GLUD1: variants seen among roughly 807,000 people sequenced by gnomAD.
The protein encoded by GLUD1 is glutamate dehydrogenase 1.
GLUD1 carries 22 observed loss-of-function variants against 56.0 expected under a neutral mutation model. The ratio of observed to expected loss-of-function variants is 0.39; its 90% CI spans 0.28 to 0.56. The LOEUF is 0.56. Ranked by LOEUF, GLUD1 falls within the 20% of genes least tolerant of loss-of-function variation. GLUD1 has a pLI of 0.58. For synonymous variants in GLUD1, 223 were observed against 269.9 expected (o/e 0.83, Z 1.70); for missense variants, 451 against 732.0 (o/e 0.62, Z 4.43).
intron 1 of GLUD1, among the ~76,000 whole-genome samples, chr10:87,093,390 T>C (rs1444369340): frequency 2.0e-5 from 3 of 152,082 alleles, no homozygotes; most frequent in Non-Finnish European, 2.9e-5. Flanking sequence ...AGAGGTATGA[T>C]GCAATGTATT....
chr10:87,085,364 A>C (rs59321374), intron 1 of GLUD1, among the ~76,000 whole-genome samples: 2,110 of 151,738 alleles, frequency 0.014, 49 homozygotes, highest in African/African-American at 0.048. Flanking sequence ...AAAAAAAAAA[A>C]ACCAGAAAAA....
chr10:87,064,368 C>T (rs568356528), intron 5 of GLUD1, among the ~76,000 whole-genome samples: 40 of 152,150 alleles, frequency 2.6e-4, no homozygotes, highest in African/African-American at 8.4e-4. Context: ...GTAAACTCAT[C>T]GGTGGAGCAG....
At chr10:87,086,568 A>T (rs1232120556) in intron 1 of GLUD1, among the ~76,000 whole-genome samples, 1 of 152,130 alleles carries the variant, frequency 6.6e-6, no homozygotes, top group East Asian at 1.9e-4. Flanking sequence ...TCACGCCTGT[A>T]ATCCCAGCAC....
intron 10 of GLUD1, 133 bp from the exon 11 acceptor site, chr10:87,057,915 C>A: frequency 1.5e-6 from 1 of 652,428 alleles, no homozygotes. Flanking sequence ...GTCACCCAGG[C>A]TGGAGTGTAG....
At chr10:87,069,685 A>C (rs1006535492) in intron 4 of GLUD1, among the ~76,000 whole-genome samples, 1 of 152,124 alleles carries the variant, frequency 6.6e-6, no homozygotes, top group African/African-American at 2.4e-5. Flanking sequence ...CTAAATAATA[A>C]ACTTTTTTGA....
intron 4 of GLUD1, 26 bp downstream of exon 4, chr10:87,074,525 A>C (rs759226348): frequency 1.4e-6 from 2 of 1,403,390 alleles, no homozygotes; most frequent in Non-Finnish European, 2.0e-6. Context: ...CCCACTTTAT[A>C]CCAAAAACTA....
Position 87,094,782 on chromosome 10 carries a change from A to G in GLUD1, c.-13T>C, listed in dbSNP as rs773140219. The stretch of plus-strand genomic sequence containing the variant: ...GGTAGCGGTACATGGCCACAAGCGG[A>G]GGGGAGGTGCGTGATGGTCGCGAAA... On this transcript the variant is annotated 5_prime_UTR_variant, in exon 1 of 13. Coordinates refer to ENST00000277865, the MANE Select transcript of GLUD1 (RefSeq NM_005271.5). This position sits in a 1 kb window ranked among gnomAD's most constrained non-coding sequence, Gnocchi z 6.6. 2.6e-6 allele frequency: 4 copies of G among 1,529,464 alleles called. No individual in the cohort carries two copies. The East Asian group carries it at 8.1e-5, about 31-fold the overall frequency. The allele number at this position is 1,529,464 out of a possible 1,614,324, so 94.7% of individuals were successfully genotyped here. A position where few individuals can be genotyped will look rare whatever the true frequency, so the allele number is the denominator to read the frequency against.
chr10:87,053,329 T>A lies in GLUD1; in HGVS notation c.1557+13A>T. On this transcript the variant is annotated intron_variant, in intron 12 of 12. Coordinates refer to ENST00000277865, the MANE Select transcript of GLUD1 (RefSeq NM_005271.5). ...GTGACTAGCTGGAAGGCAAACAGCA[T>A]CTGCACACATACCCTGGCAGAACGC... is the stretch of plus-strand genomic sequence containing the variant. The A allele has an allele frequency of 6.3e-7, 1 of 1,593,034 alleles. No homozygotes were observed. Among genetic ancestry groups the A allele is most frequent in the Non-Finnish European group, 8.6e-7 (1 of 1,160,762 alleles).
intron 5 of GLUD1, among the ~76,000 whole-genome samples, chr10:87,066,885 T>C (rs1419630367): frequency 2.0e-5 from 3 of 152,238 alleles, no homozygotes; most frequent in Non-Finnish European, 4.4e-5. Flanking sequence ...TTTCCTCTCA[T>C]GTTCAGTTCT....
At position 87,076,097 on chromosome 10, in the gene GLUD1, T is replaced by C. The variant is rs541359438; in HGVS notation, c.527-74A>G. On this transcript the variant is annotated intron_variant, in intron 2 of 12. Coordinates refer to ENST00000277865, the MANE Select transcript of GLUD1 (RefSeq NM_005271.5). The stretch of plus-strand genomic sequence containing the variant: ...TAAAATGACAGAAAGCACCACACAA[T>C]ATTAGAGAAACGTGATGCTTTAAGC... The C allele has an allele frequency of 1.1e-5, 11 of 1,015,260 alleles. No homozygotes were observed. In the East Asian group the frequency reaches 2.1e-4, roughly 20 times the overall value. 62.9% of individuals were successfully genotyped at this position (1,015,260 alleles called of 1,614,324 possible).
intron 4 of GLUD1, among the ~76,000 whole-genome samples, chr10:87,070,928 G>A (rs946319947): frequency 6.6e-6 from 1 of 151,906 alleles, no homozygotes; most frequent in Admixed American, 6.5e-5. Flanking sequence ...AGGAGATCGA[G>A]ACCATCCTGG....
intron 1 of GLUD1, among the ~76,000 whole-genome samples, chr10:87,080,251 C>G (rs1290072485): frequency 6.6e-6 from 1 of 151,926 alleles, no homozygotes; most frequent in African/African-American, 2.4e-5. Context: ...TCAATGGTGC[C>G]CAGGCTGGAG....
chr10:87,084,327 A>G (rs938824175), intron 1 of GLUD1, among the ~76,000 whole-genome samples: 3 of 152,262 alleles, frequency 2.0e-5, no homozygotes, highest in African/African-American at 7.2e-5. Context: ...TACAGTACAA[A>G]GCACTGATCT....
At chr10:87,089,145 A>G (rs1841455054) in intron 1 of GLUD1, among the ~76,000 whole-genome samples, 1 of 152,234 alleles carries the variant, frequency 6.6e-6, no homozygotes, top group Non-Finnish European at 1.5e-5. Flanking sequence ...AGAAATTTCA[A>G]AGGTATCTAT....
Position 87,090,474 on chromosome 10 carries a change from A to G in GLUD1, c.445+3851T>C, listed in dbSNP as rs143522498. Among the ~76,000 whole-genome samples the G allele has an allele frequency of 6.3e-3, 955 of 152,312 alleles. 6 individuals carry two copies. Among genetic ancestry groups the G allele is most frequent in the African/African-American group, 0.022 (898 of 41,576 alleles). ...ACTTGCTAAATGGATTCATACACGCAAGTGACAGAAAGACTGAAATCTGAT... is the reference window on the plus strand; with the variant it reads ...ACTTGCTAAATGGATTCATACACGCGAGTGACAGAAAGACTGAAATCTGAT... On this transcript the variant is annotated intron_variant, in intron 1 of 12. Transcript: ENST00000277865.
At chr10:87,064,232 A>ATG (rs1403583728) in intron 5 of GLUD1, among the ~76,000 whole-genome samples, 8 of 152,138 alleles carry the variant, frequency 5.3e-5, no homozygotes, top group Non-Finnish European at 1.0e-4. Context: ...TCAATTGAAG[A>ATG]TGTGTGTATA....
Position 87,094,191 on chromosome 10 carries a change from T to C in GLUD1, c.445+134A>G, listed in dbSNP as rs1487482303. 1.4e-6 allele frequency: 2 copies of C among 1,386,436 alleles called. No individual in the cohort carries two copies. Among genetic ancestry groups the C allele is most frequent in the Non-Finnish European group, 1.9e-6 (2 of 1,044,458 alleles). The allele number at this position is 1,386,436 out of a possible 1,614,324, so 85.9% of individuals were successfully genotyped here. On this transcript the variant is annotated intron_variant, in intron 1 of 12. Coordinates refer to ENST00000277865, the MANE Select transcript of GLUD1 (RefSeq NM_005271.5). This position sits in a 1 kb window ranked among gnomAD's most constrained non-coding sequence, Gnocchi z 6.6. ...AGAGCCGGCCACATCCGAGGCGGGG[T>C]GACCCGGGCGGGGACCCGGCCCGCT...
chr10:87,051,989 T>C (rs1845642730), intron 12 of GLUD1, 119 bp from the exon 13 acceptor site: 1 of 1,208,214 alleles, frequency 8.3e-7, no homozygotes, highest in South Asian at 1.2e-5. Context: ...AGGCAGGACT[T>C]GGGCAGCCAA....
At chr10:87,057,084 G>A (rs1365027941) in intron 11 of GLUD1, among the ~76,000 whole-genome samples, 3 of 152,012 alleles carry the variant, frequency 2.0e-5, no homozygotes, top group East Asian at 1.9e-4. Flanking sequence ...TCCACCTCCC[G>A]GGTTCAAGTG....
Sources: allele counts gnomAD v4.1 joint callset (sites outside exome capture counted in the v4.1 genomes callset), GRCh38; gene constraint gnomAD v4.1.1; non-coding constraint Gnocchi (gnomAD v3.1); transcripts MANE v1.5; gene names NCBI Gene and HGNC (gene_info 2026-07-23, HGNC 2026-07-21).